CPM: variants seen among roughly 807,000 people sequenced by gnomAD.
The protein encoded by CPM is carboxypeptidase M.
A neutral mutation model predicts 46.4 loss-of-function variants in CPM; 35 were observed. The ratio of observed to expected loss-of-function variants is 0.75; its 90% CI spans 0.58 to 1.00. The LOEUF is 1.00. Ranked by LOEUF, CPM falls within the 50% of genes least tolerant of loss-of-function variation. The pLI, the probability that CPM is intolerant of heterozygous loss-of-function variation, is 0.00. For missense variants in CPM, 422 were observed against 530.4 expected (o/e 0.80, Z 2.01); for synonymous variants, 195 against 195.3 (o/e 1.00, Z 0.01).
chr12:68,927,302 C>G lies in CPM; in HGVS notation c.160+5376G>C, dbSNP rs59539844. On this transcript the variant is annotated intron_variant, in intron 2 of 8. Coordinates refer to ENST00000551568, the MANE Select transcript of CPM (RefSeq NM_198320.5). ...CTCATTGTGGTTTTGATTTGCATTT[C>G]TCTGATGGCCAGTGATGGTGAGCAT... Among the ~76,000 whole-genome samples the G allele has an allele frequency of 1.9e-4, 28 of 151,246 alleles. No homozygotes were observed. In the East Asian group the frequency reaches 5.0e-3, roughly 27 times the overall value.
intron 1 of CPM, among the ~76,000 whole-genome samples, chr12:68,958,617 G>A (rs1450149148): frequency 1.3e-5 from 2 of 152,078 alleles, no homozygotes; most frequent in Non-Finnish European, 2.9e-5. Flanking sequence ...ATCTTGGTCC[G>A]AGATACCATC....
At chr12:68,933,022 A>G (rs1888578384) in intron 1 of CPM, 120 bp downstream of exon 1, 1 of 551,776 alleles carries the variant, frequency 1.8e-6, no homozygotes, top group Non-Finnish European at 3.2e-6. Flanking sequence ...GACCGGGAGC[A>G]CGGGCAGCCT....
In CPM at chr12:68,941,499, G is replaced by A. The variant is rs1888761172; in HGVS notation, c.-3-8659C>T. On this transcript the variant is annotated intron_variant, in intron 1 of 8. Transcript: ENST00000546373. Reference sequence around the variant, plus strand: ...AGTAATCCTCCCACCTGAGCCTCCCGGGTAGCTGGGACTACAGGTGTGTAC... The same window carrying A: ...AGTAATCCTCCCACCTGAGCCTCCCAGGTAGCTGGGACTACAGGTGTGTAC... Among the ~76,000 whole-genome samples, 3 of 151,916 alleles carry A rather than the reference G, an allele frequency of 2.0e-5. No homozygotes were observed. In the South Asian group the frequency reaches 6.3e-4, roughly 32 times the overall value.
chr12:68,859,144 G>A, intron 7 of CPM, 73 bp from the exon 8 acceptor site: 2 of 827,364 alleles, frequency 2.4e-6, no homozygotes, highest in South Asian at 9.9e-5. Context: ...AAATATTTAA[G>A]AACAATATAT....
At chr12:68,877,318 G>A (rs1306747370) in intron 3 of CPM, among the ~76,000 whole-genome samples, 1 of 152,122 alleles carries the variant, frequency 6.6e-6, no homozygotes, top group African/African-American at 2.4e-5. Flanking sequence ...AGCTTGTCCA[G>A]CTCCTGGTAT....
chr12:68,882,379 A>G (rs534649164), intron 3 of CPM, among the ~76,000 whole-genome samples: 1 of 149,610 alleles, frequency 6.7e-6, no homozygotes, highest in African/African-American at 2.5e-5. Flanking sequence ...ATCTTGTTCT[A>G]TAAGCAAGTG....
At chr12:68,939,656 C>T (rs945491232) in intron 1 of CPM, among the ~76,000 whole-genome samples, 3 of 151,932 alleles carry the variant, frequency 2.0e-5, no homozygotes, top group Non-Finnish European at 2.9e-5. Flanking sequence ...ATTCAATTCA[C>T]CTTAGATGGA....
intron 2 of CPM, among the ~76,000 whole-genome samples, chr12:68,915,539 C>T (rs1592691477): frequency 6.6e-6 from 1 of 152,188 alleles, no homozygotes; most frequent in Non-Finnish European, 1.5e-5. Context: ...CCCTGATAAG[C>T]CTTTCTCAAC....
chr12:68,866,324 ATGTTTGTTTGTT>A (rs145703211), intron 7 of CPM, among the ~76,000 whole-genome samples: 2 of 151,680 alleles, frequency 1.3e-5, no homozygotes, highest in African/African-American at 4.8e-5. Flanking sequence ...GGGACTCTGG[ATGTTTGTTTGTT>A]TGTTTGTTTG....
chr12:68,843,853 A>G (rs976153463), intron 5 of CPM: 3 of 216,404 alleles, frequency 1.4e-5, no homozygotes, highest in African/African-American at 6.8e-5. Flanking sequence ...CATTATTTGG[A>G]GTTGATAATA....
chr12:68,934,091 TTC>T (rs144372011), upstream of CPM, among the ~76,000 whole-genome samples: 13 of 151,864 alleles, frequency 8.6e-5, no homozygotes, highest in African/African-American at 2.9e-4. Flanking sequence ...TTCTCATTCA[TTC>T]TCTCTCTCTC....
chr12:68,861,458 C>T (rs1262469312), intron 7 of CPM, among the ~76,000 whole-genome samples: 1 of 151,940 alleles, frequency 6.6e-6, no homozygotes, highest in African/African-American at 2.4e-5. Flanking sequence ...TTGACTTCCC[C>T]AAAACCAACC....
In CPM at chr12:68,885,784, A is replaced by G. The variant is rs539191011; in HGVS notation, c.258+8T>C. On this transcript the variant is annotated splice_region_variant and intron_variant, in intron 3 of 8. Transcript: ENST00000551568. ...GTGACATTTCAGAAATTCAAGCCAC[A>G]TACGTACCTCATCTCCATGCATATT... The G allele has an allele frequency of 5.0e-6, 8 of 1,610,934 alleles. No individual in the cohort carries two copies. In the Admixed American group the frequency reaches 6.7e-5, roughly 13 times the overall value.
At chr12:68,916,932 T>G (rs1040641056) in intron 2 of CPM, among the ~76,000 whole-genome samples, 7 of 151,162 alleles carry the variant, frequency 4.6e-5, no homozygotes, top group Non-Finnish European at 1.0e-4. Flanking sequence ...GAATCTCTGT[T>G]GCAATGCAAA....
chr12:68,844,704 C>T (rs1006596090), intron 5 of CPM: 3 of 219,870 alleles, frequency 1.4e-5, no homozygotes, highest in Admixed American at 5.8e-5. Flanking sequence ...CTAAGCCAGA[C>T]GGGGACTAGC....
chr12:68,922,249 A>C (rs186750249), intron 2 of CPM, among the ~76,000 whole-genome samples: 1 of 152,342 alleles, frequency 6.6e-6, no homozygotes, highest in African/African-American at 2.4e-5. Context: ...TGTTATGCTA[A>C]ATTTCACCTG....
chr12:68,927,092 C>G (rs1291662001), intron 2 of CPM, among the ~76,000 whole-genome samples: 19 of 151,850 alleles, frequency 1.3e-4, no homozygotes, highest in African/African-American at 4.6e-4. Context: ...AATGGGATGG[C>G]TGGGTCAAAT....
intron 2 of CPM, among the ~76,000 whole-genome samples, chr12:68,892,041 A>G (rs1886676311): frequency 1.3e-5 from 2 of 152,054 alleles, no homozygotes; most frequent in South Asian, 4.1e-4. Context: ...GCGGCTGGAA[A>G]TCTACGTTTT....
intron 1 of CPM, among the ~76,000 whole-genome samples, chr12:68,961,216 C>A (rs1371576980): frequency 6.6e-6 from 1 of 152,118 alleles, no homozygotes; most frequent in Non-Finnish European, 1.5e-5. Context: ...GTGGTGTGAT[C>A]TCAGCTCACT....
Sources: gnomAD v4.1 joint callset for allele counts (sites outside exome capture counted in the v4.1 genomes callset) on GRCh38, gnomAD v4.1.1 for gene constraint, MANE v1.5 for transcripts, NCBI Gene and HGNC (gene_info 2026-07-23, HGNC 2026-07-21) for gene names.